SIAH3: variants seen among roughly 807,000 people sequenced by gnomAD.
SIAH3 encodes the protein siah E3 ubiquitin protein ligase family member 3.
SIAH3 carries 9 observed loss-of-function variants against 12.6 expected under a neutral mutation model. The ratio of observed to expected loss-of-function variants is 0.72; its 90% CI spans 0.43 to 1.25. SIAH3 has a LOEUF of 1.25. Among genes scored for constraint, SIAH3 ranks in the 50% most tolerant of loss-of-function variants. SIAH3 has a pLI of 0.00. For missense variants in SIAH3, 390 were observed against 365.4 expected (o/e 1.07, Z -0.55); for synonymous variants, 154 against 151.1 (o/e 1.02, Z -0.14).
intron 1 of SIAH3, among the ~76,000 whole-genome samples, chr13:45,824,001 T>C (rs776806588): frequency 2.6e-5 from 4 of 152,210 alleles, no homozygotes; most frequent in Admixed American, 6.5e-5. Context: ...ATGTTGAGGT[T>C]TGGGTTTCTA....
At chr13:45,808,108 T>C (rs1593380109) in intron 1 of SIAH3, among the ~76,000 whole-genome samples, 1 of 152,242 alleles carries the variant, frequency 6.6e-6, no homozygotes, top group Admixed American at 6.5e-5. Flanking sequence ...AAATTAGTCA[T>C]GGTGGGAATA....
intron 1 of SIAH3, among the ~76,000 whole-genome samples, chr13:45,790,645 T>A (rs944438886): frequency 1.3e-5 from 2 of 152,224 alleles, no homozygotes; most frequent in African/African-American, 4.8e-5. Context: ...ACATGCAATG[T>A]ATGCTTGCCA....
chr13:45,816,248 C>T (rs1295174491), intron 1 of SIAH3, among the ~76,000 whole-genome samples: 1 of 152,206 alleles, frequency 6.6e-6, no homozygotes, highest in East Asian at 1.9e-4. Context: ...GGAGCCCTTG[C>T]CTCTATTCAC....
At chr13:45,816,934 T>A (rs1251131403) in intron 1 of SIAH3, among the ~76,000 whole-genome samples, 1 of 152,214 alleles carries the variant, frequency 6.6e-6, no homozygotes, top group Non-Finnish European at 1.5e-5. Flanking sequence ...TACTAGATAA[T>A]GGTTAGGAAT....
rs941992527 is a variant in SIAH3 at position 45,825,893 on chromosome 13, C to G, written c.135+25602G>C. ...GAGTTACAGCTTTCCTCCAAAGGCT[C>G]CCTCCCCTGACCATGAAGACCAAAA... On this transcript the variant is annotated intron_variant, in intron 1 of 1. Coordinates refer to ENST00000400405, the MANE Select transcript of SIAH3 (RefSeq NM_198849.3). Among the ~76,000 whole-genome samples, 5 of 152,130 alleles carry G rather than the reference C, an allele frequency of 3.3e-5. No homozygotes were observed. The South Asian group carries it at 6.2e-4, about 19-fold the overall frequency.
chr13:45,791,873 C>T (rs111693806), intron 1 of SIAH3, among the ~76,000 whole-genome samples: 142 of 152,292 alleles, frequency 9.3e-4, no homozygotes, highest in African/African-American at 3.3e-3. Flanking sequence ...CCCTCCTGCA[C>T]CTTGGCAGGA....
intron 1 of SIAH3, among the ~76,000 whole-genome samples, chr13:45,807,410 C>T (rs1449330975): frequency 6.6e-6 from 1 of 152,062 alleles, no homozygotes; most frequent in Non-Finnish European, 1.5e-5. Context: ...AATAAAGCTA[C>T]AGTATTAAAA....
chr13:45,832,786 AC>A (rs1950704272), intron 1 of SIAH3, among the ~76,000 whole-genome samples: 1 of 152,172 alleles, frequency 6.6e-6, no homozygotes, highest in African/African-American at 2.4e-5. Flanking sequence ...TTACATTCTT[AC>A]CAGCAATGCA....
chr13:45,779,718 C>T lies in SIAH3; in HGVS notation c.*3665G>A, dbSNP rs1215040673. On this transcript the variant is annotated 3_prime_UTR_variant, in exon 2 of 2. Transcript: ENST00000400405. ...TACATGATCTACTATATTCAAAGTA[C>T]GCAGCCTACTGGATCATATAGAAAA... 2 of 152,170 alleles carry T rather than the reference C, an allele frequency of 1.3e-5. No homozygotes were observed. Among genetic ancestry groups the T allele is most frequent in the Non-Finnish European group, 1.5e-5 (1 of 68,034 alleles). 9.4% of individuals were successfully genotyped at this position (152,170 alleles called of 1,614,324 possible). A position where few individuals can be genotyped will look rare whatever the true frequency, so the allele number is the denominator to read the frequency against.
At chr13:45,812,559 G>A (rs1593381244) in intron 1 of SIAH3, among the ~76,000 whole-genome samples, 1 of 152,296 alleles carries the variant, frequency 6.6e-6, no homozygotes, top group African/African-American at 2.4e-5. Context: ...AGATTATAAT[G>A]ATTATAATGA....
intron 1 of SIAH3, among the ~76,000 whole-genome samples, chr13:45,817,284 T>C (rs143669735): frequency 2.6e-3 from 401 of 152,372 alleles, no homozygotes; most frequent in Non-Finnish European, 4.3e-3. Context: ...ATGTTCAATA[T>C]AGTCACATGC....
At chr13:45,810,685 C>T (rs1529878) in intron 1 of SIAH3, among the ~76,000 whole-genome samples, 46,332 of 151,992 alleles carry the variant, frequency 0.3, 8,328 homozygotes, top group Non-Finnish European at 0.41. Context: ...ATTCATACTC[C>T]CAAGAATGTT....
intron 1 of SIAH3, among the ~76,000 whole-genome samples, chr13:45,794,074 A>C (rs1248258693): frequency 6.7e-6 from 1 of 150,340 alleles, no homozygotes; most frequent in East Asian, 1.9e-4. Context: ...GCACCTTCAG[A>C]AGCTGTGTGG....
At chr13:45,797,106 C>T (rs777995218) in intron 1 of SIAH3, among the ~76,000 whole-genome samples, 2 of 151,272 alleles carry the variant, frequency 1.3e-5, no homozygotes, top group Non-Finnish European at 2.9e-5. Context: ...AGATAATTAG[C>T]CTAATCTACT....
chr13:45,803,290 A>T (rs1273515848), intron 1 of SIAH3, among the ~76,000 whole-genome samples: 2 of 152,198 alleles, frequency 1.3e-5, no homozygotes, highest in East Asian at 3.9e-4. Flanking sequence ...TCGTTCATCA[A>T]ACTTTATCAG....
At chr13:45,818,014 T>C (rs1410547643) in intron 1 of SIAH3, among the ~76,000 whole-genome samples, 4 of 152,166 alleles carry the variant, frequency 2.6e-5, no homozygotes, top group Non-Finnish European at 4.4e-5. Flanking sequence ...CTACTGCAAG[T>C]TCCTGCAACT....
Position 45,851,605 on chromosome 13 carries a change from C to T in SIAH3, c.25G>A (p.Gly9Arg). 1 of 1,614,164 alleles carries T rather than the reference C, an allele frequency of 6.2e-7. No individual in the cohort carries two copies. MLFFTQCF[G>R]AVLDLIHLRF... ...AGATGAATGAGATCTAATACAGCCCCAAAGCACTGGGTAAAGAAAAGCATC... is the reference window on the plus strand; with the variant it reads ...AGATGAATGAGATCTAATACAGCCCTAAAGCACTGGGTAAAGAAAAGCATC... The change falls in exon 1 of 2, where the codon GGG becomes AGG. Residue 9 changes from glycine to arginine, a missense_variant. Transcript: ENST00000400405.
At chr13:45,835,419 G>A (rs777536048) in intron 1 of SIAH3, among the ~76,000 whole-genome samples, 2 of 152,090 alleles carry the variant, frequency 1.3e-5, no homozygotes, top group Non-Finnish European at 2.9e-5. Context: ...CTCACATCTA[G>A]TAATGATAAT....
intron 1 of SIAH3, among the ~76,000 whole-genome samples, chr13:45,794,291 T>C (rs1298266447): frequency 6.6e-6 from 1 of 152,144 alleles, no homozygotes; most frequent in Non-Finnish European, 1.5e-5. Flanking sequence ...TACACACACA[T>C]GGATGTAGCC....
Sources: allele counts gnomAD v4.1 joint callset (sites outside exome capture counted in the v4.1 genomes callset), GRCh38; gene constraint gnomAD v4.1.1; transcripts MANE v1.5; gene names NCBI Gene and HGNC (gene_info 2026-07-23, HGNC 2026-07-21).